Variants in DSCAM observed in about 807,000 individuals in gnomAD.
The protein encoded by DSCAM is DS cell adhesion molecule.
A neutral mutation model predicts 217.7 loss-of-function variants in DSCAM; 47 were observed. The observed-to-expected ratio is 0.22, with a 90% CI of 0.17 to 0.28. DSCAM has a LOEUF of 0.28. Ranked by LOEUF, DSCAM falls within the 10% of genes least tolerant of loss-of-function variation. DSCAM has a pLI of 1.00. For synonymous variants in DSCAM, 1,056 were observed against 1,015.3 expected (o/e 1.04, Z -0.76); for missense variants, 2,080 against 2,618.3 (o/e 0.79, Z 4.49).
At chr21:40,663,040 C>T (rs900174117) in intron 3 of DSCAM, among the ~76,000 whole-genome samples, 1 of 137,410 alleles carries the variant, frequency 7.3e-6, no homozygotes. Context: ...TGTGTGTGCA[C>T]ATGTGAGTGT....
chr21:40,338,419 C>T (rs2074451636), intron 7 of DSCAM, 43 bp from the exon 8 acceptor site: 2 of 1,578,940 alleles, frequency 1.3e-6, no homozygotes, highest in South Asian at 1.2e-5. Context: ...TTTAAGGGTA[C>T]ATCTCATGTA....
intron 3 of DSCAM, among the ~76,000 whole-genome samples, chr21:40,571,209 T>C (rs1204191642): frequency 6.6e-6 from 1 of 151,814 alleles, no homozygotes; most frequent in African/African-American, 2.4e-5. Context: ...AAATTCAAAA[T>C]GCTGAAAAAA....
At chr21:40,225,804 G>C (rs1424931326) in intron 11 of DSCAM, among the ~76,000 whole-genome samples, 1 of 152,052 alleles carries the variant, frequency 6.6e-6, no homozygotes, top group Non-Finnish European at 1.5e-5. Flanking sequence ...TGAACTAAGG[G>C]GAGAAGAAAG....
chr21:40,154,188 C>CCTTCCTTT (rs200715108), intron 16 of DSCAM, among the ~76,000 whole-genome samples: 2,026 of 151,376 alleles, frequency 0.013, 44 homozygotes, highest in African/African-American at 0.047. Context: ...CTTCTTCCTT[C>CCTTCCTTT]CTTCCTTCCT....
At chr21:40,271,527 C>T (rs747049668) in intron 11 of DSCAM, among the ~76,000 whole-genome samples, 1 of 152,132 alleles carries the variant, frequency 6.6e-6, no homozygotes, top group African/African-American at 2.4e-5. Flanking sequence ...TTAGGGATGG[C>T]TATCCATTTA....
chr21:40,453,524 C>T (rs1291548265), intron 3 of DSCAM, among the ~76,000 whole-genome samples: 1 of 152,222 alleles, frequency 6.6e-6, no homozygotes, highest in Non-Finnish European at 1.5e-5. Flanking sequence ...CAATTACCCT[C>T]AACGATTTTC....
At chr21:40,236,953 G>A (rs977942304) in intron 11 of DSCAM, among the ~76,000 whole-genome samples, 2 of 152,238 alleles carry the variant, frequency 1.3e-5, no homozygotes, top group African/African-American at 2.4e-5. Flanking sequence ...CAACTCTCCC[G>A]TCAACTCCTG....
intron 3 of DSCAM, among the ~76,000 whole-genome samples, chr21:40,402,191 C>G (rs1187399627): frequency 6.7e-6 from 1 of 149,592 alleles, no homozygotes. Flanking sequence ...TCCCGAGTAG[C>G]TGGGACTACA....
chr21:40,158,164 C>A (rs562592123), intron 16 of DSCAM, among the ~76,000 whole-genome samples: 15 of 152,084 alleles, frequency 9.9e-5, no homozygotes, highest in Admixed American at 9.2e-4. Context: ...GCAGGAGGAC[C>A]GCTGCAGGTC....
At chr21:40,468,915 A>G (rs1460100079) in intron 3 of DSCAM, among the ~76,000 whole-genome samples, 2 of 152,170 alleles carry the variant, frequency 1.3e-5, no homozygotes, top group African/African-American at 4.8e-5. Context: ...AGGTGGAAAG[A>G]GTAGGAATGG....
intron 1 of DSCAM, among the ~76,000 whole-genome samples, chr21:40,799,221 C>A (rs1377001269): frequency 6.6e-6 from 1 of 152,072 alleles, no homozygotes; most frequent in Non-Finnish European, 1.5e-5. Context: ...GTTAAAAGAA[C>A]TAGATTGCTG....
Position 40,483,862 on chromosome 21 carries a change from G to A in DSCAM, c.509-114617C>T, listed in dbSNP as rs568210172. 2.0e-5 allele frequency among the ~76,000 whole-genome samples: 3 copies of A among 152,238 alleles called. No individual in the cohort carries two copies. In the South Asian group the frequency reaches 6.2e-4, roughly 32 times the overall value. On this transcript the variant is annotated intron_variant, in intron 3 of 32. Coordinates refer to ENST00000400454, the MANE Select transcript of DSCAM (RefSeq NM_001389.5). ...GCTGTGAATGCTTTCTATGACTATGGTTCTTTCCAATTTAAAATTTTAATA... is the reference window on the plus strand; with the variant it reads ...GCTGTGAATGCTTTCTATGACTATGATTCTTTCCAATTTAAAATTTTAATA...
chr21:40,620,800 G>A (rs570740088), intron 3 of DSCAM, among the ~76,000 whole-genome samples: 2 of 152,300 alleles, frequency 1.3e-5, no homozygotes, highest in African/African-American at 2.4e-5. Context: ...GTAAATGAAC[G>A]TTTCTACTGG....
intron 32 of DSCAM, among the ~76,000 whole-genome samples, chr21:40,015,918 C>A (rs2837379): frequency 0.3 from 45,705 of 152,122 alleles, 7,544 homozygotes; most frequent in Middle Eastern, 0.47. Context: ...GACAGTGTGC[C>A]TTATCCAGCC....
intron 20 of DSCAM, among the ~76,000 whole-genome samples, chr21:40,096,515 AACAGG>A (rs2089679520): frequency 1.3e-5 from 2 of 152,186 alleles, no homozygotes; most frequent in South Asian, 4.1e-4. Context: ...TAAAAAAGTT[AACAGG>A]GCATTAGTGA....
chr21:40,061,229 TC>T (rs1206585626), intron 28 of DSCAM, among the ~76,000 whole-genome samples: 1 of 152,180 alleles, frequency 6.6e-6, no homozygotes, highest in African/African-American at 2.4e-5. Flanking sequence ...ATCTTCCTAA[TC>T]TTGGCAGATG....
At chr21:40,762,844 T>A (rs1335554607) in intron 1 of DSCAM, among the ~76,000 whole-genome samples, 1 of 151,888 alleles carries the variant, frequency 6.6e-6, no homozygotes, top group Non-Finnish European at 1.5e-5. Flanking sequence ...TGACAAAAAA[T>A]ACATGATTAT....
At chr21:40,743,501 ACT>A (rs942693484) in intron 1 of DSCAM, among the ~76,000 whole-genome samples, 1 of 152,052 alleles carries the variant, frequency 6.6e-6, no homozygotes, top group Non-Finnish European at 1.5e-5. Context: ...CTTATTCCCC[ACT>A]CTGACATAAT....
chr21:40,330,927 T>C (rs2074371814), intron 8 of DSCAM, among the ~76,000 whole-genome samples: 1 of 152,224 alleles, frequency 6.6e-6, no homozygotes, highest in East Asian at 1.9e-4. Flanking sequence ...CGTGTATTAT[T>C]CATAATAGAA....
Sources: allele counts gnomAD v4.1 joint callset (sites outside exome capture counted in the v4.1 genomes callset), GRCh38; gene constraint gnomAD v4.1.1; transcripts MANE v1.5; gene names NCBI Gene and HGNC (gene_info 2026-07-23, HGNC 2026-07-21).